The following MEF2B variants were observed in gnomAD, a reference collection of about 807,000 sequenced individuals.
MEF2B encodes the protein myocyte enhancer factor 2B.
A neutral mutation model predicts 32.2 loss-of-function variants in MEF2B; 15 were observed. That is an observed-to-expected ratio of 0.47 (90% CI 0.31 to 0.72). MEF2B has a LOEUF of 0.72. MEF2B is among the 30% of genes least tolerant of loss of function. The pLI, the probability that MEF2B is intolerant of heterozygous loss-of-function variation, is 0.05. For missense variants in MEF2B, 441 were observed against 511.5 expected (o/e 0.86, Z 1.33); for synonymous variants, 205 against 225.6 (o/e 0.91, Z 0.82).
chr19:19,155,092 G>A (rs1176432449), intron 1 of MEF2B, among the ~76,000 whole-genome samples: 1 of 152,124 alleles, frequency 6.6e-6, no homozygotes, highest in Non-Finnish European at 1.5e-5. Context: ...TCTAGCCCCT[G>A]AGGGAATCTA....
chr19:19,155,982 C>T (rs1238807793), intron 1 of MEF2B, among the ~76,000 whole-genome samples: 1 of 152,124 alleles, frequency 6.6e-6, no homozygotes, highest in Non-Finnish European at 1.5e-5. Flanking sequence ...GAAGAAAGAA[C>T]AGGAGAAGAA....
At chr19:19,168,199 T>C (rs941297746) in intron 1 of MEF2B, among the ~76,000 whole-genome samples, 3 of 152,006 alleles carry the variant, frequency 2.0e-5, no homozygotes, top group African/African-American at 4.8e-5. Context: ...CCAGGGGCCC[T>C]GCCCTTCCCC....
At chr19:19,166,275 A>G (rs1421014818) in intron 1 of MEF2B, among the ~76,000 whole-genome samples, 1 of 152,130 alleles carries the variant, frequency 6.6e-6, no homozygotes, top group Non-Finnish European at 1.5e-5. Context: ...ACAGGGTCCA[A>G]GAAACTCAAT....
intron 1 of MEF2B, among the ~76,000 whole-genome samples, chr19:19,159,778 C>T (rs1039107731): frequency 6.6e-6 from 1 of 152,006 alleles, no homozygotes; most frequent in Non-Finnish European, 1.5e-5. Context: ...TTATCATCTC[C>T]CCAGCCTGGC....
At chr19:19,165,347 G>A (rs1469855119) in intron 1 of MEF2B, among the ~76,000 whole-genome samples, 1 of 152,168 alleles carries the variant, frequency 6.6e-6, no homozygotes, top group African/African-American at 2.4e-5. Context: ...GGAGGCTGAG[G>A]TATGAGAATT....
At position 19,156,111 on chromosome 19, in the gene MEF2B, C is replaced by T. The variant is rs543020123; in HGVS notation, c.-29-5347G>A. Among the ~76,000 whole-genome samples the T allele has an allele frequency of 2.0e-5, 3 of 152,240 alleles. No homozygotes were observed. In the South Asian group the frequency reaches 6.2e-4, roughly 32 times the overall value. ...TTTGAAGCTAAGAGTCCAGTACCTT[C>T]CTACTCCTTTCATTGCACCCTCATA... is the stretch of plus-strand genomic sequence containing the variant. On this transcript the variant is annotated intron_variant, in intron 1 of 8. Coordinates refer to ENST00000424583, the MANE Select transcript of MEF2B (RefSeq NM_001145785.2).
At chr19:19,153,014 G>T (rs150284457) in intron 1 of MEF2B, among the ~76,000 whole-genome samples, 1 of 152,328 alleles carries the variant, frequency 6.6e-6, no homozygotes, top group South Asian at 2.1e-4. Context: ...CTGTTCCCAC[G>T]GCTGGGATAT....
rs1283878180 is a variant in MEF2B, at chr19:19,146,307, C to T, written c.847G>A (p.Gly283Ser). The change falls in exon 8 of 9, where the codon GGT becomes AGT. Residue 283 changes from glycine (G) to serine (S), a missense_variant. This residue lies in a region of MEF2B where 326 missense variants were observed against 328.4 expected (regional missense o/e 0.99). Coordinates refer to ENST00000424583, the MANE Select transcript of MEF2B (RefSeq NM_001145785.2). ...GAGGACACGGCGGGGGGCCCATCAC[C>T]CCTCGAGGGCTGCCAGGGGGCCAGG... The part of the protein sequence containing the change: ...PTLAPWQPSR[G>S]DGPPAVSSQP... 2 of 1,344,946 alleles carry T rather than the reference C, an allele frequency of 1.5e-6. No individual in the cohort carries two copies. Among genetic ancestry groups the T allele is most frequent in the Admixed American group, 3.6e-5 (1 of 27,898 alleles). The allele number at this position is 1,344,946 out of a possible 1,614,324, so 83.3% of individuals were successfully genotyped here.
At chr19:19,149,116 C>T (rs1398010418) in intron 3 of MEF2B, 110 bp downstream of exon 3, 40 of 1,399,104 alleles carry the variant, frequency 2.9e-5, no homozygotes, top group Non-Finnish European at 3.6e-5. Context: ...GCACGTCAGC[C>T]ACAAAGCCAG....
intron 1 of MEF2B, among the ~76,000 whole-genome samples, chr19:19,152,387 A>AAAAAAG (rs753482273): frequency 0.031 from 4,510 of 146,664 alleles, 132 homozygotes; most frequent in South Asian, 0.06. Flanking sequence ...TCTCAAAAAA[A>AAAAAAG]AAAAAGAAAA....
At chr19:19,158,974 CTT>C (rs2060139802) in intron 1 of MEF2B, among the ~76,000 whole-genome samples, 1 of 150,528 alleles carries the variant, frequency 6.6e-6, no homozygotes, top group South Asian at 2.1e-4. Flanking sequence ...GAGTTTTGCT[CTT>C]GTCGCCCAGG....
intron 1 of MEF2B, among the ~76,000 whole-genome samples, chr19:19,168,175 C>T (rs1386509711): frequency 1.3e-5 from 2 of 152,148 alleles, no homozygotes; most frequent in Non-Finnish European, 2.9e-5. Context: ...GTTCTTGTCC[C>T]GAATGCCCAA....
intron 1 of MEF2B, among the ~76,000 whole-genome samples, chr19:19,163,126 G>A (rs778572739): frequency 6.6e-6 from 1 of 152,082 alleles, no homozygotes; most frequent in East Asian, 1.9e-4. Context: ...TGCAGAAAAC[G>A]CTCTTTCTGG....
rs200436426 is a variant in MEF2B at position 19,145,755 on chromosome 19, G to T, written c.*42C>A. ...GGTGGGGTCCCCACGTGCCCTCGCC[G>T]TACCTGGCGAGCGCTCTGGGCTGGT... On this transcript the variant is annotated 3_prime_UTR_variant, in exon 9 of 9. Coordinates refer to ENST00000424583, the MANE Select transcript of MEF2B (RefSeq NM_001145785.2). This position sits in a 1 kb window ranked among gnomAD's most constrained non-coding sequence, Gnocchi z 4.6. The T allele has an allele frequency of 1.3e-6, 2 of 1,556,748 alleles. No individual in the cohort carries two copies. The highest frequency in any genetic ancestry group is 2.4e-5 in the East Asian group (1 of 42,036).
intron 1 of MEF2B, among the ~76,000 whole-genome samples, chr19:19,162,244 C>T (rs139082011): frequency 5.4e-4 from 82 of 152,284 alleles, no homozygotes; most frequent in African/African-American, 1.8e-3. Flanking sequence ...TCAGATTTCC[C>T]AGCAGCTGGG....
chr19:19,152,435 G>T (rs1468548571), intron 1 of MEF2B, among the ~76,000 whole-genome samples: 1 of 151,892 alleles, frequency 6.6e-6, no homozygotes, highest in Admixed American at 6.6e-5. Context: ...GCTTGGCGTG[G>T]TAGCTCATGC....
At chr19:19,146,214 G>T in intron 8 of MEF2B, 59 bp downstream of exon 8, 1 of 870,118 alleles carries the variant, frequency 1.1e-6, no homozygotes, top group Non-Finnish European at 1.6e-6. Flanking sequence ...GGCCACCAGG[G>T]GTCAGCAGCG....
At chr19:19,166,790 G>A (rs913630381) in intron 1 of MEF2B, among the ~76,000 whole-genome samples, 9 of 151,874 alleles carry the variant, frequency 5.9e-5, no homozygotes, top group African/African-American at 2.2e-4. Context: ...AGGGCAGGGC[G>A]TGGTGGCTCA....
intron 1 of MEF2B, among the ~76,000 whole-genome samples, chr19:19,154,891 G>C (rs571375175): frequency 6.6e-6 from 1 of 152,330 alleles, no homozygotes; most frequent in South Asian, 2.1e-4. Context: ...CAGAGACTGG[G>C]GGTAGGGCCC....
Sources: allele counts gnomAD v4.1 joint callset (sites outside exome capture counted in the v4.1 genomes callset), GRCh38; gene constraint gnomAD v4.1.1; regional missense constraint gnomAD v4.1.1; non-coding constraint Gnocchi (gnomAD v3.1); transcripts MANE v1.5; gene names NCBI Gene and HGNC (gene_info 2026-07-23, HGNC 2026-07-21).